Variants in EVI5 observed in about 807,000 individuals in gnomAD.
The protein encoded by EVI5 is ecotropic viral integration site 5.
EVI5 carries 73 observed loss-of-function variants against 112.0 expected under a neutral mutation model. The observed-to-expected ratio is 0.65, with a 90% CI of 0.54 to 0.79. The LOEUF (loss-of-function observed/expected upper bound fraction) is 0.79. Among genes scored for constraint, EVI5 ranks in the 30% least tolerant of loss-of-function variants. The pLI is 0.00. For synonymous variants in EVI5, 305 were observed against 319.9 expected (o/e 0.95, Z 0.50); for missense variants, 900 against 968.8 (o/e 0.93, Z 0.94).
Position 92,784,876 on chromosome 1 carries a change from C to A in EVI5, c.-122G>T. The stretch of plus-strand genomic sequence containing the variant: ...TAGACTTCGCCGTAAACATTAACTT[C>A]CCATCCAGCCGGCAGCCGCGCCGCC... On this transcript the variant is annotated 5_prime_UTR_variant, in exon 1 of 20. Transcript: ENST00000684568. 2 of 985,880 alleles carry A rather than the reference C, an allele frequency of 2.0e-6. No individual in the cohort carries two copies. Among genetic ancestry groups the A allele is most frequent in the Non-Finnish European group, 2.4e-6 (2 of 830,338 alleles). The allele number at this position is 985,880 out of a possible 1,614,324, so 61.1% of individuals were successfully genotyped here. A position where few individuals can be genotyped will look rare whatever the true frequency, so the allele number is the denominator to read the frequency against.
intron 19 of EVI5, among the ~76,000 whole-genome samples, chr1:92,517,295 T>C (rs1478012492): frequency 6.6e-6 from 1 of 152,230 alleles, no homozygotes; most frequent in Non-Finnish European, 1.5e-5. Context: ...TAGAGATGAC[T>C]CAAAGTATAT....
chr1:92,650,815 T>C (rs1040358133), intron 13 of EVI5, among the ~76,000 whole-genome samples: 2 of 152,210 alleles, frequency 1.3e-5, no homozygotes, highest in Non-Finnish European at 2.9e-5. Context: ...TTTATAAATA[T>C]ACATTTTACT....
intron 13 of EVI5, among the ~76,000 whole-genome samples, chr1:92,660,230 A>G (rs1663742172): frequency 6.6e-6 from 1 of 152,058 alleles, no homozygotes; most frequent in Non-Finnish European, 1.5e-5. Context: ...GTATAAAAAT[A>G]ACACTATTGA....
At chr1:92,671,593 T>C (rs1430446216) in intron 10 of EVI5, among the ~76,000 whole-genome samples, 1 of 152,144 alleles carries the variant, frequency 6.6e-6, no homozygotes, top group African/African-American at 2.4e-5. Context: ...ATTCCCAAGA[T>C]ACCCAAAATT....
chr1:92,561,026 T>A (rs1668443096), intron 19 of EVI5, among the ~76,000 whole-genome samples: 1 of 152,212 alleles, frequency 6.6e-6, no homozygotes, highest in South Asian at 2.1e-4. Flanking sequence ...CAGGAATAGA[T>A]GTGGCTCTTC....
chr1:92,576,947 T>C (rs781375694), intron 18 of EVI5, among the ~76,000 whole-genome samples: 5 of 152,142 alleles, frequency 3.3e-5, no homozygotes, highest in Admixed American at 6.5e-5. Flanking sequence ...ATTCCCTTTG[T>C]AGCTTTGGGG....
At chr1:92,600,292 G>C (rs1250667797) in intron 18 of EVI5, among the ~76,000 whole-genome samples, 2 of 152,154 alleles carry the variant, frequency 1.3e-5, no homozygotes, top group Non-Finnish European at 2.9e-5. Flanking sequence ...ATAAAAGTCA[G>C]GATAGGGAAC....
intron 18 of EVI5, among the ~76,000 whole-genome samples, chr1:92,603,796 A>G (rs898183721): frequency 3.3e-5 from 5 of 151,970 alleles, no homozygotes; most frequent in Non-Finnish European, 7.4e-5. Flanking sequence ...TGCTGTGATC[A>G]TGGCTTACTG....
At chr1:92,740,547 T>C (rs914117435) in intron 1 of EVI5, among the ~76,000 whole-genome samples, 4 of 152,178 alleles carry the variant, frequency 2.6e-5, no homozygotes, top group Non-Finnish European at 5.9e-5. Flanking sequence ...AGACATCTCA[T>C]GTTCCTTCCT....
intron 18 of EVI5, among the ~76,000 whole-genome samples, chr1:92,600,401 C>T (rs947042143): frequency 1.8e-4 from 27 of 150,164 alleles, no homozygotes; most frequent in Non-Finnish European, 2.8e-4. Flanking sequence ...TACAATGTAA[C>T]TTTGTTTTAT....
In EVI5 at chr1:92,693,004, T is replaced by C. The variant is rs578131727; in HGVS notation, c.1097+798A>G. On this transcript the variant is annotated intron_variant, in intron 9 of 19. Transcript: ENST00000684568. ...TAAAACTAATGAGCAGAGACTTTAT[T>C]TTGAACTTTTAGGACATGAATGCCA... Among the ~76,000 whole-genome samples the C allele has an allele frequency of 5.8e-4, 88 of 152,310 alleles. 1 individual carries two copies. Among genetic ancestry groups the C allele is most frequent in the African/African-American group, 2.0e-3 (84 of 41,558 alleles).
intron 16 of EVI5, among the ~76,000 whole-genome samples, chr1:92,623,803 C>G (rs1226361111): frequency 6.6e-6 from 1 of 152,224 alleles, no homozygotes; most frequent in Non-Finnish European, 1.5e-5. Flanking sequence ...TGCTAAACAT[C>G]TACAACGCAT....
intron 13 of EVI5, among the ~76,000 whole-genome samples, chr1:92,642,792 G>T (rs1472621175): frequency 7.8e-6 from 1 of 127,444 alleles, no homozygotes; most frequent in South Asian, 3.0e-4. Context: ...AAGAAATCCT[G>T]TCTAGCCTCC....
chr1:92,641,182 C>T (rs1369407959), intron 13 of EVI5, among the ~76,000 whole-genome samples: 1 of 151,172 alleles, frequency 6.6e-6, no homozygotes, highest in Non-Finnish European at 1.5e-5. Flanking sequence ...TATCCCAGAA[C>T]TTAAAAGTAA....
At chr1:92,585,445 C>T (rs114510530) in intron 18 of EVI5, among the ~76,000 whole-genome samples, 1 of 152,184 alleles carries the variant, frequency 6.6e-6, no homozygotes, top group Non-Finnish European at 1.5e-5. Context: ...GCTGTGATTG[C>T]ACCACTGAAC....
chr1:92,564,843 C>T (rs1669185046), intron 18 of EVI5, among the ~76,000 whole-genome samples: 1 of 152,056 alleles, frequency 6.6e-6, no homozygotes, highest in Admixed American at 6.6e-5. Context: ...CTGCGCCTGG[C>T]TAATTTTTGT....
chr1:92,541,637 T>TA (rs1471346234), intron 19 of EVI5, among the ~76,000 whole-genome samples: 1 of 152,146 alleles, frequency 6.6e-6, no homozygotes, highest in African/African-American at 2.4e-5. Flanking sequence ...AATGAAAACA[T>TA]ACGTTTATAT....
intron 9 of EVI5, among the ~76,000 whole-genome samples, chr1:92,691,652 CAGAG>C (rs1282039087): frequency 1.3e-5 from 2 of 151,454 alleles, no homozygotes; most frequent in African/African-American, 4.9e-5. Flanking sequence ...AATGAAACAA[CAGAG>C]AGAGAGGTTG....
chr1:92,704,764 T>C lies in EVI5; in HGVS notation c.150-20A>G, dbSNP rs761166354. Reference sequence around the variant, plus strand: ...AACAATCTAAAATATAATTAAAAACTGTTCAAGATCTAATCGGACAGTGAT... The same window carrying C: ...AACAATCTAAAATATAATTAAAAACCGTTCAAGATCTAATCGGACAGTGAT... On this transcript the variant is annotated intron_variant, in intron 2 of 19. Coordinates refer to ENST00000684568, the MANE Select transcript of EVI5 (RefSeq NM_001350197.2). 2 of 1,303,766 alleles carry C rather than the reference T, an allele frequency of 1.5e-6. No homozygotes were observed. The highest frequency in any genetic ancestry group is 2.1e-6 in the Non-Finnish European group (2 of 944,864). The allele number at this position is 1,303,766 out of a possible 1,614,324, so 80.8% of individuals were successfully genotyped here.
Sources: allele counts gnomAD v4.1 joint callset (sites outside exome capture counted in the v4.1 genomes callset), GRCh38; gene constraint gnomAD v4.1.1; transcripts MANE v1.5; gene names NCBI Gene and HGNC (gene_info 2026-07-23, HGNC 2026-07-21).